Variants in TANC2 observed in about 807,000 individuals in gnomAD.
TANC2 encodes protein TANC2.
A neutral mutation model predicts 210.5 loss-of-function variants in TANC2; 26 were observed. The observed-to-expected ratio is 0.12, with a 90% CI of 0.09 to 0.17. The LOEUF is 0.17. Among genes scored for constraint, TANC2 ranks in the 10% least tolerant of loss-of-function variants. The pLI, the probability that TANC2 is intolerant of heterozygous loss-of-function variation, is 1.00. For synonymous variants in TANC2, 931 were observed against 967.1 expected (o/e 0.96, Z 0.69); for missense variants, 2,129 against 2,608.9 (o/e 0.82, Z 4.01).
At chr17:62,997,946 G>C (rs2033194427) in intron 1 of TANC2, among the ~76,000 whole-genome samples, 1 of 152,162 alleles carries the variant, frequency 6.6e-6, no homozygotes, top group Non-Finnish European at 1.5e-5. Flanking sequence ...AGATGACAGA[G>C]AATTCAGAAC....
chr17:62,974,073 C>CT (rs1244860926), intron 1 of TANC2, among the ~76,000 whole-genome samples: 2 of 152,212 alleles, frequency 1.3e-5, no homozygotes, highest in African/African-American at 4.8e-5. Flanking sequence ...GTTACATAGC[C>CT]TGTGCCCATT....
chr17:63,178,497 G>A (rs75072724), intron 5 of TANC2, among the ~76,000 whole-genome samples: 3,743 of 152,274 alleles, frequency 0.025, 154 homozygotes, highest in African/African-American at 0.084. Flanking sequence ...ACAAATTGCG[G>A]CCCCTGCTTT....
At chr17:63,210,861 T>A (rs1378254565) in intron 7 of TANC2, among the ~76,000 whole-genome samples, 1 of 152,196 alleles carries the variant, frequency 6.6e-6, no homozygotes, top group African/African-American at 2.4e-5. Context: ...TTTCTTTTTC[T>A]TTTTGAATCA....
At chr17:63,050,134 T>G (rs1244873998) in intron 2 of TANC2, among the ~76,000 whole-genome samples, 1 of 152,044 alleles carries the variant, frequency 6.6e-6, no homozygotes, top group African/African-American at 2.4e-5. Context: ...TGTGGACCAC[T>G]TCAGCCCAGG....
intron 5 of TANC2, among the ~76,000 whole-genome samples, chr17:63,168,467 C>T (rs926860692): frequency 6.6e-6 from 1 of 152,142 alleles, no homozygotes; most frequent in Non-Finnish European, 1.5e-5. Context: ...GGACCCTTCA[C>T]AGTGAGAGAT....
intron 11 of TANC2, among the ~76,000 whole-genome samples, chr17:63,333,313 T>C (rs949263385): frequency 2.0e-5 from 3 of 151,750 alleles, no homozygotes; most frequent in Non-Finnish European, 4.4e-5. Context: ...TTACTAGGAG[T>C]TTGGAAGAAA....
chr17:62,993,617 A>G (rs1422873844), intron 1 of TANC2, among the ~76,000 whole-genome samples: 1 of 152,146 alleles, frequency 6.6e-6, no homozygotes, highest in Non-Finnish European at 1.5e-5. Flanking sequence ...GTTCATTGAT[A>G]GTCTAAAGAA....
chr17:63,191,800 T>G (rs758330624), intron 5 of TANC2, among the ~76,000 whole-genome samples: 1 of 152,180 alleles, frequency 6.6e-6, no homozygotes, highest in Admixed American at 6.5e-5. Context: ...TATTTTTAAT[T>G]TATTTTAAAA....
intron 4 of TANC2, among the ~76,000 whole-genome samples, chr17:63,120,093 T>C (rs557476143): frequency 4.3e-4 from 65 of 152,218 alleles, no homozygotes; most frequent in African/African-American, 1.5e-3. Flanking sequence ...GTTTAGGTAC[T>C]TTTTAATGAG....
At chr17:63,340,413 T>C in intron 12 of TANC2, 81 bp downstream of exon 12, 2 of 1,150,456 alleles carry the variant, frequency 1.7e-6, no homozygotes, top group Non-Finnish European at 2.5e-6. Flanking sequence ...AAATGATTGA[T>C]TTTATCACAT....
At chr17:63,259,268 T>A (rs1278086743) in intron 8 of TANC2, among the ~76,000 whole-genome samples, 1 of 152,208 alleles carries the variant, frequency 6.6e-6, no homozygotes, top group Non-Finnish European at 1.5e-5. Context: ...CTCCCAGAGC[T>A]GTGAGCTGCA....
intron 4 of TANC2, among the ~76,000 whole-genome samples, chr17:63,101,205 C>T (rs2037607510): frequency 6.6e-6 from 1 of 152,130 alleles, no homozygotes; most frequent in African/African-American, 2.4e-5. Context: ...TCAGTTACCC[C>T]TTCTTTTCTA....
intron 1 of TANC2, among the ~76,000 whole-genome samples, chr17:62,977,210 A>G (rs986582888): frequency 3.9e-5 from 6 of 152,168 alleles, no homozygotes; most frequent in African/African-American, 1.4e-4. Context: ...TTTTTCCCTA[A>G]GCTTCAGTTA....
chr17:63,407,136 A>C, intron 21 of TANC2, among the ~76,000 whole-genome samples: 1 of 152,232 alleles, frequency 6.6e-6, no homozygotes, highest in East Asian at 1.9e-4. Context: ...TTCTTCTAAG[A>C]TTTCAAACTA....
chr17:63,238,413 A>T (rs1007465706), intron 8 of TANC2, among the ~76,000 whole-genome samples: 4 of 152,192 alleles, frequency 2.6e-5, no homozygotes, highest in African/African-American at 9.6e-5. Context: ...TTGAGGTTTT[A>T]GTTCTTTTCT....
chr17:63,320,088 A>G lies in TANC2; in HGVS notation c.1575+998A>G, dbSNP rs1429721730. Among the ~76,000 whole-genome samples the G allele has an allele frequency of 3.9e-5, 6 of 152,242 alleles. No individual in the cohort carries two copies. In the South Asian group the frequency reaches 6.2e-4, roughly 16 times the overall value. ...ATTTTTGGCTGAATCCATATTATAT[A>G]TAGTATTTTCAGTATTAATACTGTG... On this transcript the variant is annotated intron_variant, in intron 11 of 27. Transcript: ENST00000689528.
intron 4 of TANC2, among the ~76,000 whole-genome samples, chr17:63,126,177 G>A (rs1175339133): frequency 1.3e-5 from 2 of 152,180 alleles, no homozygotes; most frequent in Non-Finnish European, 2.9e-5. Context: ...AAGGGAGAGA[G>A]AGTATTTGTC....
At chr17:63,363,743 T>C (rs1194992522) in intron 14 of TANC2, among the ~76,000 whole-genome samples, 1 of 152,232 alleles carries the variant, frequency 6.6e-6, no homozygotes, top group Admixed American at 6.5e-5. Flanking sequence ...ACCAGTACCA[T>C]GCCGTTTGGG....
chr17:63,128,941 A>C (rs546297244), intron 4 of TANC2, among the ~76,000 whole-genome samples: 1 of 152,286 alleles, frequency 6.6e-6, no homozygotes, highest in East Asian at 1.9e-4. Context: ...TGTGTAAAGA[A>C]TCTTATGTTC....
Sources: gnomAD v4.1 joint callset for allele counts (sites outside exome capture counted in the v4.1 genomes callset) on GRCh38, gnomAD v4.1.1 for gene constraint, MANE v1.5 for transcripts, NCBI Gene and HGNC (gene_info 2026-07-23, HGNC 2026-07-21) for gene names.